Variants in PZP observed in about 807,000 individuals in gnomAD.
PZP encodes pregnancy zone protein.
Under a neutral mutation model 179.8 loss-of-function variants are expected in PZP, and 150 were observed. The observed-to-expected ratio is 0.83, with a 90% CI of 0.73 to 0.96. The LOEUF (loss-of-function observed/expected upper bound fraction) is 0.96. Among genes scored for constraint, PZP ranks in the 40% least tolerant of loss-of-function variants. The pLI, the probability that PZP is intolerant of heterozygous loss-of-function variation, is 0.00. For missense variants in PZP, 1,689 were observed against 1,764.0 expected (o/e 0.96, Z 0.76); for synonymous variants, 624 against 652.3 (o/e 0.96, Z 0.66).
the PZP span, among the ~76,000 whole-genome samples, chr12:9,141,789 A>G: frequency 6.6e-6 from 1 of 152,156 alleles, no homozygotes; most frequent in Non-Finnish European, 1.5e-5. Context: ...TTTTGTTGGT[A>G]AGTTTGGGAT....
intron 25 of PZP, among the ~76,000 whole-genome samples, 182 bp from the exon 26 acceptor site, chr12:9,158,758 T>TTTTC (rs1700506768): frequency 7.9e-5 from 1 of 12,732 alleles, no homozygotes; most frequent in African/African-American, 4.2e-4. Flanking sequence ...TTTTCTTTTC[T>TTTTC]TTTTTTTTTT....
At chr12:9,166,301 CA>C (rs1387415398) in intron 17 of PZP, 99 bp from the exon 18 acceptor site, 49 of 1,140,076 alleles carry the variant, frequency 4.3e-5, no homozygotes, top group Non-Finnish European at 5.8e-5. Flanking sequence ...TTTTCCTGCT[CA>C]GACTGTCCTA....
intron 22 of PZP, 48 bp downstream of exon 22, chr12:9,162,549 C>A (rs375082633): frequency 1.5e-6 from 2 of 1,330,188 alleles, no homozygotes; most frequent in African/African-American, 1.5e-5. Flanking sequence ...GAGGTTTATA[C>A]CCCTTTGTGG....
chr12:9,197,897 TTA>T (rs1222527032), intron 7 of PZP, among the ~76,000 whole-genome samples: 1 of 125,398 alleles, frequency 8.0e-6, no homozygotes, highest in Admixed American at 1.0e-4. Context: ...AATATATAAA[TTA>T]TATATATTTA....
the PZP span, among the ~76,000 whole-genome samples, chr12:9,138,454 G>A: frequency 1.3e-5 from 2 of 149,522 alleles, no homozygotes; most frequent in Admixed American, 6.6e-5. Flanking sequence ...CAGAGATATT[G>A]GCCTGTCATT....
At chr12:9,186,975 T>G (rs1943163509) in intron 13 of PZP, among the ~76,000 whole-genome samples, 1 of 149,048 alleles carries the variant, frequency 6.7e-6, no homozygotes, top group South Asian at 2.1e-4. Context: ...GTTCTGCCCA[T>G]GTATCCCAGA....
At chr12:9,208,224 G>T in intron 1 of PZP, 35 bp downstream of exon 1, 2 of 1,543,156 alleles carry the variant, frequency 1.3e-6, no homozygotes, top group East Asian at 2.2e-5. Flanking sequence ...AGACTGAAAC[G>T]CACTCTGGAG....
intron 13 of PZP, among the ~76,000 whole-genome samples, chr12:9,185,304 G>A (rs1943032302): frequency 6.6e-6 from 1 of 152,266 alleles, no homozygotes; most frequent in African/African-American, 2.4e-5. Flanking sequence ...ATTAACAGCA[G>A]AACAGACCAA....
intron 25 of PZP, among the ~76,000 whole-genome samples, chr12:9,159,405 A>C (rs1315675082): frequency 6.6e-6 from 1 of 152,202 alleles, no homozygotes; most frequent in African/African-American, 2.4e-5. Context: ...GAATTAAATA[A>C]GGTAACATTA....
chr12:9,159,994 T>C lies in PZP; in HGVS notation c.3081A>G (p.Gln1027=), dbSNP rs745397419. 3 of 1,614,030 alleles carry C rather than the reference T, an allele frequency of 1.9e-6. No individual in the cohort carries two copies. The highest frequency in any genetic ancestry group is 2.5e-6 in the Non-Finnish European group (3 of 1,179,936). The change falls in exon 25 of 36, where the codon CAA becomes CAG. Residue 1027 remains glutamine, a synonymous_variant. Coordinates refer to ENST00000261336, the MANE Select transcript of PZP (RefSeq NM_002864.3). ...CCCCAAAGGTGCTGTAGGAGCCATC[T>C]TGGTGTTTGTAGTTCAGCTGTCTCT... is the stretch of plus-strand genomic sequence containing the variant. ...GYQRQLNYKH[Q]DGSYSTFGER...
Position 9,172,984 on chromosome 12 carries a change from A to G in PZP, c.1840-3393T>C, listed in dbSNP as rs969446331. On this transcript the variant is annotated intron_variant, in intron 15 of 35. Coordinates refer to ENST00000261336, the MANE Select transcript of PZP (RefSeq NM_002864.3). ...ACTCTGGATCAAGTGGACCTGATTG[A>G]TATCTACAGAACTCTCCACCAAAAT... Among the ~76,000 whole-genome samples, 3 of 152,260 alleles carry G rather than the reference A, an allele frequency of 2.0e-5. No individual in the cohort carries two copies. The East Asian group carries it at 5.8e-4, about 29-fold the overall frequency.
At chr12:9,162,241 T>C in intron 22 of PZP, 1 of 178,130 alleles carries the variant, frequency 5.6e-6, no homozygotes, top group Non-Finnish European at 1.2e-5. Context: ...GGATTACAAA[T>C]GTGAGCCACC....
intron 19 of PZP, among the ~76,000 whole-genome samples, chr12:9,164,510 G>A (rs1361335991): frequency 2.6e-5 from 4 of 152,180 alleles, no homozygotes. Context: ...CAGTGGCAGA[G>A]GAAAGGGAAA....
At chr12:9,154,110 T>G (rs1325519099) in intron 29 of PZP, among the ~76,000 whole-genome samples, 1 of 152,158 alleles carries the variant, frequency 6.6e-6, no homozygotes, top group Non-Finnish European at 1.5e-5. Flanking sequence ...AATCACACAT[T>G]TTTTGGGGAA....
At chr12:9,204,080 G>T in intron 1 of PZP, 129 bp from the exon 2 acceptor site, 1 of 927,180 alleles carries the variant, frequency 1.1e-6, no homozygotes, top group Non-Finnish European at 1.6e-6. Context: ...AATGGACTAA[G>T]TCAATGGAGG....
chr12:9,200,513 C>A, intron 6 of PZP, 65 bp from the exon 7 acceptor site: 1 of 1,272,780 alleles, frequency 7.9e-7, no homozygotes, highest in South Asian at 1.3e-5. Flanking sequence ...CAAATAATTT[C>A]AGTATGTCTA....
chr12:9,197,119 T>A lies in PZP; in HGVS notation c.760A>T (p.Thr254Ser), dbSNP rs756976363. The A allele has an allele frequency of 1.3e-6, 2 of 1,596,964 alleles. No individual in the cohort carries two copies. Among genetic ancestry groups the A allele is most frequent in the South Asian group, 1.1e-5 (1 of 90,664 alleles). The change falls in exon 8 of 36, where the codon ACT becomes TCT. Residue 254 changes from threonine to serine, a missense_variant. Coordinates refer to ENST00000261336, the MANE Select transcript of PZP (RefSeq NM_002864.3). ...KVNITVCGEY[T>S]YGKPVPGLAT... ...AGTCCTGGGACAGGCTTCCCATAAG[T>A]GTATCTGGTACATGAGAAATAAATC...
At chr12:9,206,959 G>C (rs1429584584) in intron 1 of PZP, among the ~76,000 whole-genome samples, 1 of 152,110 alleles carries the variant, frequency 6.6e-6, no homozygotes, top group African/African-American at 2.4e-5. Context: ...TATGCTTTCT[G>C]GATGGAGAGC....
chr12:9,185,915 C>T (rs1039750865), intron 13 of PZP, among the ~76,000 whole-genome samples: 2 of 151,452 alleles, frequency 1.3e-5, no homozygotes, highest in Non-Finnish European at 2.9e-5. Flanking sequence ...TCAAACAGTT[C>T]TCCTGCCTCA....
Sources: gnomAD v4.1 joint callset for allele counts (sites outside exome capture counted in the v4.1 genomes callset) on GRCh38, gnomAD v4.1.1 for gene constraint, MANE v1.5 for transcripts, NCBI Gene and HGNC (gene_info 2026-07-23, HGNC 2026-07-21) for gene names.